WDR11: variants seen among roughly 807,000 people sequenced by gnomAD.
WDR11 encodes WD repeat domain 11.
Under a neutral mutation model 151.2 loss-of-function variants are expected in WDR11, and 83 were observed. The observed-to-expected ratio is 0.55, with a 90% confidence interval of 0.46 to 0.66. The LOEUF is 0.66. Among genes scored for constraint, WDR11 ranks in the 30% least tolerant of loss-of-function variants. WDR11 has a pLI of 0.00. For missense variants in WDR11, 1,301 were observed against 1,480.9 expected (o/e 0.88, Z 1.99); for synonymous variants, 484 against 533.1 (o/e 0.91, Z 1.27).
chr10:120,880,951 C>T lies in WDR11; in HGVS notation c.1739+50C>T, dbSNP rs1287062116. Reference sequence around the variant, plus strand: ...CTATGGTGTTATCACAATGAAATCTCGTGGATTTTTTTAATCTTTAAGAAA... The same window carrying T: ...CTATGGTGTTATCACAATGAAATCTTGTGGATTTTTTTAATCTTTAAGAAA... On this transcript the variant is annotated intron_variant, in intron 13 of 28. Coordinates refer to ENST00000263461, the MANE Select transcript of WDR11 (RefSeq NM_018117.12). 6.6e-6 allele frequency: 10 copies of T among 1,511,204 alleles called. 1 individual carries two copies. The highest frequency in any genetic ancestry group is 1.9e-4 in the Middle Eastern group (1 of 5,364). 93.6% of individuals were successfully genotyped at this position (1,511,204 alleles called of 1,614,324 possible).
intron 4 of WDR11, 83 bp from the exon 5 acceptor site, chr10:120,862,652 A>G: frequency 7.4e-7 from 1 of 1,344,548 alleles, no homozygotes; most frequent in Non-Finnish European, 1.1e-6. Flanking sequence ...TTATCACTAT[A>G]TTGCTCTCAA....
In WDR11 at chr10:120,900,153, T is replaced by C. The variant is rs762270197; in HGVS notation, c.2624+16T>C. 3 of 1,594,498 alleles carry C rather than the reference T, an allele frequency of 1.9e-6. No individual in the cohort carries two copies. In the Admixed American group the frequency reaches 5.0e-5, roughly 27 times the overall value. ...TTTCTCATGTGTAAGTTTTTCACTTTTCTTTTTCTTTCATAATTTACTTGG... is the reference window on the plus strand; with the variant it reads ...TTTCTCATGTGTAAGTTTTTCACTTCTCTTTTTCTTTCATAATTTACTTGG... On this transcript the variant is annotated intron_variant, in intron 20 of 28. Coordinates refer to ENST00000263461, the MANE Select transcript of WDR11 (RefSeq NM_018117.12).
intron 14 of WDR11, among the ~76,000 whole-genome samples, chr10:120,884,738 C>A (rs1196159561): frequency 6.6e-6 from 1 of 151,942 alleles, no homozygotes; most frequent in Non-Finnish European, 1.5e-5. Flanking sequence ...ACTAGAAACT[C>A]CTGCAAGTCA....
chr10:120,903,120 C>T lies in WDR11; in HGVS notation c.2819C>T (p.Ser940Phe). ...GCTGCCCACTACCTGCACAGCTTATCCCAGGAAAAGTCAGCCAGCACAACA... is the reference window on the plus strand; with the variant it reads ...GCTGCCCACTACCTGCACAGCTTATTCCAGGAAAAGTCAGCCAGCACAACA... ...TVAAHYLHSLSQEKSASTTAP... is the reference protein window; with the variant it reads ...TVAAHYLHSLFQEKSASTTAP... The change falls in exon 23 of 29, where the codon TCC (serine) becomes TTC (phenylalanine). Residue 940 changes from serine to phenylalanine, a missense_variant. Ser to Phe is a radical substitution (Grantham distance 155). Coordinates refer to ENST00000263461, the MANE Select transcript of WDR11 (RefSeq NM_018117.12). 1 of 1,614,152 alleles carries T rather than the reference C, an allele frequency of 6.2e-7. No individual in the cohort carries two copies. Among genetic ancestry groups the T allele is most frequent in the Non-Finnish European group, 8.5e-7 (1 of 1,180,030 alleles).
intron 9 of WDR11, among the ~76,000 whole-genome samples, chr10:120,869,603 T>C (rs1366535960): frequency 6.6e-6 from 1 of 152,200 alleles, no homozygotes; most frequent in East Asian, 1.9e-4. Flanking sequence ...ATAAAGAGGC[T>C]GATTTATATT....
At chr10:120,861,307 G>A (rs796229419) in intron 4 of WDR11, among the ~76,000 whole-genome samples, 13 of 152,306 alleles carry the variant, frequency 8.5e-5, no homozygotes, top group African/African-American at 3.1e-4. Flanking sequence ...GGGAAATGTG[G>A]CTGTGTAAAT....
chr10:120,885,689 A>G, intron 14 of WDR11, 125 bp from the exon 15 acceptor site: 1 of 1,241,292 alleles, frequency 8.1e-7, no homozygotes, highest in Admixed American at 1.8e-5. Context: ...TAAAGAACAA[A>G]TGTGGATTCA....
intron 9 of WDR11, among the ~76,000 whole-genome samples, chr10:120,868,225 G>A (rs745644651): frequency 8.5e-5 from 13 of 152,054 alleles, no homozygotes; most frequent in Non-Finnish European, 1.3e-4. Context: ...AGGCCGAGGC[G>A]GGAGGATCAC....
chr10:120,866,424 T>C, intron 7 of WDR11, 145 bp from the exon 8 acceptor site: 1 of 845,928 alleles, frequency 1.2e-6, no homozygotes. Context: ...AATTTAGTAG[T>C]AATTGTAAAA....
rs139055782 is a variant in WDR11, at chr10:120,873,845, G to A, written c.1478G>A (p.Ser493Asn). ...CATGATGTCATTTTGAAAGGTACAA[G>A]TAATGGTTCTGTCCTGGTGTACCAT... ...MYQPLLAVGTSNGSVLVYHLT... is the reference protein window; with the variant it reads ...MYQPLLAVGTNNGSVLVYHLT... The change falls in exon 11 of 29, where the codon AGT (serine) becomes AAT (asparagine). Residue 493 changes from serine to asparagine, a missense_variant. By Grantham distance (46) the Ser-to-Asn change is conservative (BLOSUM62 1). Coordinates refer to ENST00000263461, the MANE Select transcript of WDR11 (RefSeq NM_018117.12). 19 of 1,611,064 alleles carry A rather than the reference G, an allele frequency of 1.2e-5. No individual in the cohort carries two copies. The highest frequency in any genetic ancestry group is 9.3e-5 in the African/African-American group (7 of 74,876).
At chr10:120,868,328 C>T (rs1846389433) in intron 9 of WDR11, among the ~76,000 whole-genome samples, 1 of 152,042 alleles carries the variant, frequency 6.6e-6, no homozygotes, top group African/African-American at 2.4e-5. Flanking sequence ...GTGGCATGTG[C>T]TTGTGGTCCC....
intron 16 of WDR11, among the ~76,000 whole-genome samples, chr10:120,888,396 A>G (rs1847297042): frequency 6.6e-6 from 1 of 152,362 alleles, no homozygotes; most frequent in Non-Finnish European, 1.5e-5. Flanking sequence ...GTGTGACTGC[A>G]GAGCCCAGGC....
chr10:120,883,080 C>G (rs1385696296), intron 13 of WDR11, among the ~76,000 whole-genome samples: 1 of 151,592 alleles, frequency 6.6e-6, no homozygotes, highest in African/African-American at 2.4e-5. Context: ...TTTTTAACTT[C>G]AAACTATTTG....
At chr10:120,899,494 A>G (rs1353918015) in intron 19 of WDR11, among the ~76,000 whole-genome samples, 3 of 152,258 alleles carry the variant, frequency 2.0e-5, no homozygotes, top group Non-Finnish European at 4.4e-5. Flanking sequence ...TTTAAAGGGG[A>G]AAAGAAGGCC....
In WDR11 at chr10:120,908,549, G is replaced by A; in HGVS notation, c.3518-7G>A. The A allele has an allele frequency of 6.2e-7, 1 of 1,614,084 alleles. No homozygotes were observed. The highest frequency in any genetic ancestry group is 8.5e-7 in the Non-Finnish European group (1 of 1,179,994). ...TTTTACTCTTCTTTTCCTTAACTAT[G>A]GTTTACAGAAACTCATCACTGCTAT... On this transcript the variant is annotated splice_polypyrimidine_tract_variant and splice_region_variant and intron_variant, in intron 28 of 28. Transcript: ENST00000263461.
intron 14 of WDR11, 90 bp from the exon 15 acceptor site, chr10:120,885,723 TG>T: frequency 6.7e-7 from 1 of 1,489,418 alleles, no homozygotes; most frequent in Non-Finnish European, 9.3e-7. Flanking sequence ...TAAATGATAC[TG>T]GGCAGTGGTG....
At chr10:120,880,098 C>T (rs1846944977) in intron 12 of WDR11, 1 of 152,118 alleles carries the variant, frequency 6.6e-6, no homozygotes, top group Admixed American at 6.5e-5. Flanking sequence ...GTTTTTCCCC[C>T]ACTAGTTAGT....
intron 21 of WDR11, among the ~76,000 whole-genome samples, 176 bp downstream of exon 21, chr10:120,901,274 G>C (rs557868019): frequency 1.3e-5 from 2 of 152,198 alleles, no homozygotes; most frequent in African/African-American, 2.4e-5. Context: ...TGCAGAAAAA[G>C]TACTTATTCA....
At chr10:120,863,863 T>G (rs181148228) in intron 5 of WDR11, among the ~76,000 whole-genome samples, 1 of 152,172 alleles carries the variant, frequency 6.6e-6, no homozygotes, top group Non-Finnish European at 1.5e-5. Context: ...TTAAGTTCAC[T>G]AGTTAATTTA....
Sources: gnomAD v4.1 joint callset for allele counts (sites outside exome capture counted in the v4.1 genomes callset) on GRCh38, gnomAD v4.1.1 for gene constraint, MANE v1.5 for transcripts, NCBI Gene and HGNC (gene_info 2026-07-23, HGNC 2026-07-21) for gene names.